The following NOL4 variants were observed in gnomAD, a reference collection of about 807,000 sequenced individuals.
NOL4 encodes nucleolar protein 4.
Under a neutral mutation model 75.9 loss-of-function variants are expected in NOL4, and 17 were observed. The ratio of observed to expected loss-of-function variants is 0.22; its 90% CI spans 0.15 to 0.34. The LOEUF is 0.34. NOL4 is among the 10% of genes least tolerant of loss of function. NOL4 has a pLI of 1.00. For missense variants in NOL4, 614 were observed against 793.5 expected, an observed-to-expected ratio of 0.77 and a Z score of 2.72; for synonymous variants, 292 against 289.9, an observed-to-expected ratio of 1.01 and a Z score of -0.07.
intron 9 of NOL4, among the ~76,000 whole-genome samples, chr18:33,888,294 G>A (rs898581503): frequency 7.9e-5 from 12 of 152,156 alleles, no homozygotes; most frequent in African/African-American, 2.9e-4. Context: ...ATTTGTTGGA[G>A]TTCATTGTAG....
intron 1 of NOL4, among the ~76,000 whole-genome samples, chr18:34,147,020 G>A (rs1600722897): frequency 3.3e-5 from 5 of 152,132 alleles, no homozygotes; most frequent in African/African-American, 9.6e-5. Context: ...CTCTCTGTTT[G>A]TCTGTTATTG....
chr18:34,077,492 T>TGCATGTATA (rs2077801488), intron 5 of NOL4, among the ~76,000 whole-genome samples: 1 of 152,050 alleles, frequency 6.6e-6, no homozygotes, highest in Non-Finnish European at 1.5e-5. Context: ...TCCACACATA[T>TGCATGTATA]GCATGTATAT....
rs73955073 is a variant in NOL4, at chr18:33,915,077, G to C, written c.1542+27988C>G. ...ATGGAACTGCAAGGAAGCAGGAAAA[G>C]AATTCGTATGTTGTTTTAAAAGTAA... is the stretch of plus-strand genomic sequence containing the variant. On this transcript the variant is annotated intron_variant, in intron 9 of 10. Coordinates refer to ENST00000261592, the MANE Select transcript of NOL4 (RefSeq NM_003787.5). 9.4e-3 allele frequency among the ~76,000 whole-genome samples: 1,438 copies of C among 152,224 alleles called. 24 individuals are homozygous for C. The highest frequency in any genetic ancestry group is 0.032 in the African/African-American group (1,346 of 41,544).
chr18:34,067,049 GA>G (rs2077309685), intron 5 of NOL4, among the ~76,000 whole-genome samples: 1 of 151,826 alleles, frequency 6.6e-6, no homozygotes, highest in Non-Finnish European at 1.5e-5. Flanking sequence ...TCCAATGGGT[GA>G]AAAAAGAAAA....
At chr18:34,153,923 C>A (rs980611556) in intron 1 of NOL4, among the ~76,000 whole-genome samples, 10 of 151,942 alleles carry the variant, frequency 6.6e-5, no homozygotes, top group African/African-American at 2.4e-4. Context: ...GTAAATCGGA[C>A]CCATTACTTC....
chr18:34,046,345 G>A (rs1286236199), intron 5 of NOL4, among the ~76,000 whole-genome samples: 1 of 151,836 alleles, frequency 6.6e-6, no homozygotes, highest in Non-Finnish European at 1.5e-5. Flanking sequence ...CAATACCTTA[G>A]AAGAGCAGAC....
At chr18:33,926,157 C>G (rs189866374) in intron 9 of NOL4, among the ~76,000 whole-genome samples, 1 of 151,758 alleles carries the variant, frequency 6.6e-6, no homozygotes, top group Non-Finnish European at 1.5e-5. Flanking sequence ...GTCAAGAGAT[C>G]GAGACCATCC....
chr18:33,863,499 A>G (rs907402800), intron 10 of NOL4, among the ~76,000 whole-genome samples: 14 of 152,202 alleles, frequency 9.2e-5, no homozygotes, highest in African/African-American at 3.1e-4. Context: ...AATGGGAGAA[A>G]CTGGCCAAAA....
intron 5 of NOL4, among the ~76,000 whole-genome samples, chr18:34,037,337 T>C (rs2075954333): frequency 6.6e-6 from 1 of 152,084 alleles, no homozygotes; most frequent in African/African-American, 2.4e-5. Flanking sequence ...TAAATGACCA[T>C]ACTACCCAAA....
chr18:33,864,969 C>T (rs767316753), intron 10 of NOL4, among the ~76,000 whole-genome samples: 7 of 152,060 alleles, frequency 4.6e-5, no homozygotes, highest in Non-Finnish European at 8.8e-5. Context: ...TGAGGGAAAC[C>T]TCTCCCATGA....
intron 2 of NOL4, among the ~76,000 whole-genome samples, chr18:34,123,390 T>C (rs1448106062): frequency 1.3e-5 from 2 of 151,412 alleles, no homozygotes; most frequent in Non-Finnish European, 2.9e-5. Context: ...AGCTAATATT[T>C]AGAAATCACT....
intron 1 of NOL4, among the ~76,000 whole-genome samples, chr18:34,134,749 A>C (rs2080821848): frequency 6.6e-6 from 1 of 152,198 alleles, no homozygotes; most frequent in Non-Finnish European, 1.5e-5. Context: ...AAGGGATTGA[A>C]AATATATTTT....
intron 2 of NOL4, among the ~76,000 whole-genome samples, chr18:34,110,910 G>T (rs1391921035): frequency 6.6e-6 from 1 of 151,866 alleles, no homozygotes; most frequent in African/African-American, 2.4e-5. Context: ...AAAAGAATAA[G>T]AAGACAATGT....
intron 5 of NOL4, among the ~76,000 whole-genome samples, chr18:34,045,921 C>T (rs2076342181): frequency 6.6e-6 from 1 of 152,096 alleles, no homozygotes; most frequent in South Asian, 2.1e-4. Context: ...TTAAAATACA[C>T]ACATCAACCA....
chr18:34,097,054 C>T (rs772921318), intron 4 of NOL4, among the ~76,000 whole-genome samples: 45 of 152,132 alleles, frequency 3.0e-4, no homozygotes, highest in Non-Finnish European at 4.9e-4. Context: ...TAGTAATAGT[C>T]TCCCAGTTAA....
At chr18:34,135,318 A>G (rs2080841537) in intron 1 of NOL4, among the ~76,000 whole-genome samples, 2 of 152,178 alleles carry the variant, frequency 1.3e-5, no homozygotes, top group African/African-American at 4.8e-5. Context: ...AAAATTAACA[A>G]TTCCTAGAAA....
intron 6 of NOL4, among the ~76,000 whole-genome samples, chr18:33,961,385 A>C (rs916396547): frequency 6.6e-6 from 1 of 151,994 alleles, no homozygotes; most frequent in Non-Finnish European, 1.5e-5. Context: ...TACAAAGCAG[A>C]GGGAAGGAAA....
chr18:33,973,652 A>G (rs2071256408), intron 6 of NOL4, among the ~76,000 whole-genome samples: 1 of 152,222 alleles, frequency 6.6e-6, no homozygotes, highest in Non-Finnish European at 1.5e-5. Flanking sequence ...GATGTTGGTT[A>G]GCAGGCCTGA....
intron 10 of NOL4, among the ~76,000 whole-genome samples, chr18:33,868,680 C>CAG (rs1169814379): frequency 6.6e-6 from 1 of 151,482 alleles, no homozygotes; most frequent in South Asian, 2.1e-4. Context: ...CACACACACA[C>CAG]ACACACACAC....
Sources: gnomAD v4.1 joint callset for allele counts (sites outside exome capture counted in the v4.1 genomes callset) on GRCh38, gnomAD v4.1.1 for gene constraint, MANE v1.5 for transcripts, NCBI Gene and HGNC (gene_info 2026-07-23, HGNC 2026-07-21) for gene names.